The following AMPH variants were observed in gnomAD, a reference collection of about 807,000 sequenced individuals.
AMPH encodes the protein amphiphysin, also known as amphiphysin (Stiff-Mann syndrome with breast cancer 128kD autoantigen).
In AMPH, 49 loss-of-function variants were observed where a neutral mutation model predicts 99.1. The ratio of observed to expected loss-of-function variants is 0.49; its 90% confidence interval spans 0.39 to 0.63. AMPH has a LOEUF of 0.63. Ranked by LOEUF, AMPH falls within the 20% of genes least tolerant of loss-of-function variation. AMPH has a pLI of 0.00. For missense variants in AMPH, 759 were observed against 863.4 expected, an observed-to-expected ratio of 0.88 and a Z score of 1.52; for synonymous variants, 314 against 317.3, an observed-to-expected ratio of 0.99 and a Z score of 0.11.
chr7:38,628,907 G>A (rs1226117313), intron 1 of AMPH, among the ~76,000 whole-genome samples: 1 of 152,202 alleles, frequency 6.6e-6, no homozygotes. Flanking sequence ...CTCTAAAAGT[G>A]ATTTCAGACA....
intron 13 of AMPH, 104 bp from the exon 14 acceptor site, chr7:38,429,969 C>A: frequency 9.1e-7 from 1 of 1,099,912 alleles, no homozygotes; most frequent in Non-Finnish European, 1.3e-6. Flanking sequence ...AAGGCTATAG[C>A]TTTTACTGGT....
At chr7:38,612,438 G>T (rs907295659) in intron 1 of AMPH, among the ~76,000 whole-genome samples, 2 of 152,058 alleles carry the variant, frequency 1.3e-5, no homozygotes, top group African/African-American at 4.8e-5. Flanking sequence ...GGGGGCTTTG[G>T]AGCTTCAATA....
In AMPH at chr7:38,386,309, T is replaced by C. The variant is rs146794338; in HGVS notation, c.1981-1384A>G. ...TAGAAAGCATATAAAAGGTCATTTT[T>C]CCCCCACAAGTGTCTATATTTGACT... On this transcript the variant is annotated intron_variant, in intron 20 of 20. Transcript: ENST00000356264. Among the ~76,000 whole-genome samples the C allele has an allele frequency of 4.5e-3, 688 of 152,190 alleles. 4 individuals carry two copies. Among genetic ancestry groups the C allele is most frequent in the African/African-American group, 0.015 (641 of 41,508 alleles).
intron 1 of AMPH, among the ~76,000 whole-genome samples, chr7:38,593,216 A>G (rs1307468098): frequency 6.6e-6 from 1 of 152,228 alleles, no homozygotes; most frequent in Non-Finnish European, 1.5e-5. Flanking sequence ...TAGGGTAAAC[A>G]TTTACTTATT....
chr7:38,424,088 A>G (rs1476721720), intron 15 of AMPH, among the ~76,000 whole-genome samples: 1 of 152,180 alleles, frequency 6.6e-6, no homozygotes, highest in Non-Finnish European at 1.5e-5. Context: ...GACAAAATAA[A>G]TCTTCCCTGG....
rs189327486 is a variant in AMPH, at chr7:38,602,803, C to G, written c.69+28480G>C. ...ACCCTGAAATGATGCACCAAGAACA[C>G]TGCTTCTCTTCTGTGGTATTCCCAC... is the stretch of plus-strand genomic sequence containing the variant. On this transcript the variant is annotated intron_variant, in intron 1 of 20. Coordinates refer to ENST00000356264, the MANE Select transcript of AMPH (RefSeq NM_001635.4). 6.2e-3 allele frequency among the ~76,000 whole-genome samples: 941 copies of G among 152,316 alleles called. 2 individuals carry two copies. Among genetic ancestry groups the G allele is most frequent in the Non-Finnish European group, 9.9e-3 (674 of 68,036 alleles).
chr7:38,520,824 C>A (rs1789928518), intron 2 of AMPH, among the ~76,000 whole-genome samples: 1 of 152,132 alleles, frequency 6.6e-6, no homozygotes, highest in African/African-American at 2.4e-5. Flanking sequence ...GTTTGAAAGC[C>A]AGCAATTCAG....
intron 1 of AMPH, among the ~76,000 whole-genome samples, chr7:38,538,212 T>A (rs941914429): frequency 1.2e-4 from 19 of 152,208 alleles, no homozygotes; most frequent in African/African-American, 4.6e-4. Flanking sequence ...ATAGACTAAG[T>A]CACATTTCAA....
intron 11 of AMPH, among the ~76,000 whole-genome samples, chr7:38,447,143 T>G (rs1584104327): frequency 6.6e-6 from 1 of 152,036 alleles, no homozygotes; most frequent in South Asian, 2.1e-4. Flanking sequence ...CCTCCGCCTC[T>G]CAAGTAGCTG....
intron 5 of AMPH, among the ~76,000 whole-genome samples, chr7:38,488,978 AGAAAGTTTTTT>A (rs1181183641): frequency 1.5e-4 from 1 of 6,876 alleles, no homozygotes; most frequent in African/African-American, 6.0e-4. Context: ...AATTTTTAAC[AGAAAGTTTTTT>A]TTAATTCTAA....
intron 1 of AMPH, among the ~76,000 whole-genome samples, chr7:38,539,626 T>A (rs1790739092): frequency 6.6e-6 from 1 of 152,128 alleles, no homozygotes; most frequent in Admixed American, 6.5e-5. Flanking sequence ...AGCAGATCCA[T>A]CTCTCCTGTG....
chr7:38,413,712 G>T (rs1307955850), intron 17 of AMPH, among the ~76,000 whole-genome samples: 2 of 152,114 alleles, frequency 1.3e-5, no homozygotes, highest in Non-Finnish European at 2.9e-5. Flanking sequence ...AAATCCATAT[G>T]TATGTTTCTT....
chr7:38,504,058 T>C (rs1039756414), intron 2 of AMPH, among the ~76,000 whole-genome samples: 1 of 152,246 alleles, frequency 6.6e-6, no homozygotes, highest in Admixed American at 6.5e-5. Flanking sequence ...CACATATGGC[T>C]GTTGAGTACT....
In AMPH at chr7:38,452,747, C is replaced by T. The variant is rs2299949; in HGVS notation, c.1017+8536G>A. On this transcript the variant is annotated intron_variant, in intron 11 of 20. Transcript: ENST00000356264. ...GAATCCTGATAACTTTAAACAGTGG[C>T]TCCCACAGTGTGGTGCCAACACCAG... Among the ~76,000 whole-genome samples, 1,719 of 152,306 alleles carry T rather than the reference C, an allele frequency of 0.011. 76 individuals carry two copies. The East Asian group carries it at 0.16, about 14-fold the overall frequency.
At chr7:38,624,497 C>T (rs549183531) in intron 1 of AMPH, among the ~76,000 whole-genome samples, 1 of 150,548 alleles carries the variant, frequency 6.6e-6, no homozygotes, top group African/African-American at 2.5e-5. Context: ...CCGGTTCAAG[C>T]GATTCTTCTG....
intron 17 of AMPH, among the ~76,000 whole-genome samples, chr7:38,400,549 T>C (rs941538786): frequency 3.9e-5 from 6 of 152,230 alleles, no homozygotes; most frequent in Non-Finnish European, 8.8e-5. Context: ...ATCAATCATG[T>C]AAAATAGGGA....
chr7:38,574,230 C>T (rs563465710), intron 1 of AMPH, among the ~76,000 whole-genome samples: 1 of 152,284 alleles, frequency 6.6e-6, no homozygotes, highest in African/African-American at 2.4e-5. Context: ...ATGTGCCAGA[C>T]GACAGAGATG....
At chr7:38,456,655 C>A (rs374071224) in intron 11 of AMPH, among the ~76,000 whole-genome samples, 1 of 152,134 alleles carries the variant, frequency 6.6e-6, no homozygotes, top group African/African-American at 2.4e-5. Flanking sequence ...CTTGGGTTCC[C>A]GTGGGTTACT....
intron 17 of AMPH, among the ~76,000 whole-genome samples, chr7:38,396,749 T>G (rs749350342): frequency 2.6e-5 from 4 of 152,236 alleles, no homozygotes; most frequent in Non-Finnish European, 5.9e-5. Flanking sequence ...ATTGTTACTG[T>G]TGTCAAGAGA....
Sources: allele counts gnomAD v4.1 joint callset (sites outside exome capture counted in the v4.1 genomes callset), GRCh38; gene constraint gnomAD v4.1.1; transcripts MANE v1.5; gene names NCBI Gene and HGNC (gene_info 2026-07-23, HGNC 2026-07-21).